INTS4: variants seen among roughly 807,000 people sequenced by gnomAD.
INTS4 encodes integrator complex subunit 4, also known as MSTP093.
Under a neutral mutation model 119.5 loss-of-function variants are expected in INTS4, and 70 were observed. The observed-to-expected ratio is 0.59, with a 90% CI of 0.48 to 0.71. The LOEUF (loss-of-function observed/expected upper bound fraction) is 0.71. Ranked by LOEUF, INTS4 falls within the 30% of genes least tolerant of loss-of-function variation. The pLI, the probability that INTS4 is intolerant of heterozygous loss-of-function variation, is 0.00. For synonymous variants in INTS4, 316 were observed against 419.6 expected (o/e 0.75, Z 3.02); for missense variants, 867 against 1,173.2 (o/e 0.74, Z 3.81).
chr11:77,900,388 C>T (rs956559827), intron 18 of INTS4, among the ~76,000 whole-genome samples: 20 of 152,250 alleles, frequency 1.3e-4, no homozygotes, highest in East Asian at 5.8e-4. Flanking sequence ...TGTGAGCCAC[C>T]ACACCCGGCC....
intron 1 of INTS4, among the ~76,000 whole-genome samples, chr11:77,994,271 T>C (rs1251993669): frequency 6.6e-6 from 1 of 152,094 alleles, no homozygotes; most frequent in Non-Finnish European, 1.5e-5. Flanking sequence ...TGTCCACATC[T>C]GGAAAACGAG....
chr11:77,922,531 T>C, intron 12 of INTS4, 60 bp from the exon 13 acceptor site: 1 of 697,232 alleles, frequency 1.4e-6, no homozygotes, highest in Non-Finnish European at 2.4e-6. Context: ...CTTTGAAAAG[T>C]ACTAGGAACT....
intron 4 of INTS4, among the ~76,000 whole-genome samples, chr11:77,970,012 A>G: frequency 6.6e-6 from 1 of 152,208 alleles, no homozygotes; most frequent in Non-Finnish European, 1.5e-5. Context: ...TAATGGGCAA[A>G]TAATATTCTA....
At chr11:77,957,921 G>A (rs935410134) in intron 7 of INTS4, among the ~76,000 whole-genome samples, 10 of 151,744 alleles carry the variant, frequency 6.6e-5, no homozygotes, top group African/African-American at 1.2e-4. Context: ...CGCCCACCTC[G>A]GCCTCCGAAA....
chr11:77,943,108 A>C (rs1353835361), intron 8 of INTS4, among the ~76,000 whole-genome samples: 1 of 152,130 alleles, frequency 6.6e-6, no homozygotes, highest in Non-Finnish European at 1.5e-5. Flanking sequence ...TTTTTCTACT[A>C]GAATAAAATT....
At chr11:77,959,844 A>ATAAGGCCT (rs1330515324) in intron 6 of INTS4, among the ~76,000 whole-genome samples, 1 of 152,206 alleles carries the variant, frequency 6.6e-6, no homozygotes, top group Non-Finnish European at 1.5e-5. Context: ...ATACAGCCTC[A>ATAAGGCCT]TAAGGCCTTT....
chr11:77,974,233 CTTTTCTTTT>C (rs1424967628), intron 4 of INTS4, among the ~76,000 whole-genome samples: 1 of 98,276 alleles, frequency 1.0e-5, no homozygotes, highest in Non-Finnish European at 2.0e-5. Flanking sequence ...TATAATTTTT[CTTTTCTTTT>C]TTTTTTTTTT....
chr11:77,887,355 T>A (rs1221979793), intron 21 of INTS4, among the ~76,000 whole-genome samples: 1 of 152,212 alleles, frequency 6.6e-6, no homozygotes, highest in Non-Finnish European at 1.5e-5. Context: ...AGAAAAGGCC[T>A]TTGACAAAAT....
intron 11 of INTS4, among the ~76,000 whole-genome samples, chr11:77,926,241 G>A (rs760481333): frequency 6.6e-6 from 1 of 151,634 alleles, no homozygotes; most frequent in South Asian, 2.1e-4. Flanking sequence ...AAGGCTCAAA[G>A]CAATGAAGCC....
intron 4 of INTS4, among the ~76,000 whole-genome samples, chr11:77,969,967 C>T (rs182864719): frequency 2.6e-5 from 4 of 152,270 alleles, no homozygotes; most frequent in East Asian, 1.9e-4. Flanking sequence ...CAAACTCCAA[C>T]GAAGCTGTAG....
chr11:77,979,140 G>C (rs199782086), intron 3 of INTS4, 38 bp from the exon 4 acceptor site: 1 of 1,193,996 alleles, frequency 8.4e-7, no homozygotes, highest in Non-Finnish European at 1.3e-6. Context: ...GTAGAATTTC[G>C]AAAGGGGTAA....
At chr11:77,984,045 T>C (rs1005321918) in intron 2 of INTS4, among the ~76,000 whole-genome samples, 3 of 152,172 alleles carry the variant, frequency 2.0e-5, no homozygotes, top group Admixed American at 6.5e-5. Context: ...GAATATTATT[T>C]AGCCTTAAAA....
intron 2 of INTS4, among the ~76,000 whole-genome samples, chr11:77,984,738 T>C (rs1451501984): frequency 6.6e-6 from 1 of 151,978 alleles, no homozygotes; most frequent in African/African-American, 2.4e-5. Flanking sequence ...TAGCCAGGCA[T>C]GGTGGCACAT....
At chr11:77,961,343 T>C (rs1421899825) in intron 4 of INTS4, among the ~76,000 whole-genome samples, 2 of 151,862 alleles carry the variant, frequency 1.3e-5, no homozygotes, top group African/African-American at 4.8e-5. Flanking sequence ...CCTTAGAAAA[T>C]AAAAGTCCTA....
At chr11:77,937,386 A>T (rs942815154) in intron 10 of INTS4, among the ~76,000 whole-genome samples, 13 of 152,280 alleles carry the variant, frequency 8.5e-5, no homozygotes, top group Middle Eastern at 3.4e-3. Context: ...GACACATTAT[A>T]TACAGAGGAA....
rs2136460579 is a variant in INTS4, at chr11:77,910,963, G to A, written c.1923-3153C>T. The A allele has an allele frequency of 2.3e-6, 3 of 1,278,386 alleles. No individual in the cohort carries two copies. The South Asian group carries it at 3.7e-5, about 16-fold the overall frequency. The allele number at this position is 1,278,386 out of a possible 1,614,324, so 79.2% of individuals were successfully genotyped here. A position where few individuals can be genotyped will look rare whatever the true frequency, so the allele number is the denominator to read the frequency against. On this transcript the variant is annotated intron_variant, in intron 15 of 22. Coordinates refer to ENST00000534064, the MANE Select transcript of INTS4 (RefSeq NM_033547.4). ...AATTCTGAATAGAAATGGAAACTGT[G>A]GGAAACCTTAAGGTCTGAGTCACTT...
At chr11:77,944,101 G>C (rs1051062661) in intron 8 of INTS4, among the ~76,000 whole-genome samples, 16 of 152,116 alleles carry the variant, frequency 1.1e-4, no homozygotes, top group Non-Finnish European at 2.2e-4. Flanking sequence ...CACAAATAGG[G>C]CAGTTATAAA....
At position 77,924,613 on chromosome 11, in the gene INTS4, A is replaced by C. The variant is rs189578163; in HGVS notation, c.1514+137T>G. 608 of 663,832 alleles carry C rather than the reference A, an allele frequency of 9.2e-4. 8 individuals are homozygous for C. In the African/African-American group the frequency reaches 0.01, roughly 11 times the overall value. 41.1% of individuals were successfully genotyped at this position (663,832 alleles called of 1,614,324 possible). On this transcript the variant is annotated intron_variant, in intron 12 of 22. Transcript: ENST00000534064. The stretch of plus-strand genomic sequence containing the variant: ...AATCAGATTCCTGAGAGTTCGGTTA[A>C]GTTGAATCAGGTTTCTAAAGTAAAG...
chr11:77,990,686 CAA>C (rs781257703), intron 2 of INTS4, among the ~76,000 whole-genome samples: 13 of 98,452 alleles, frequency 1.3e-4, no homozygotes, highest in Non-Finnish European at 8.0e-5. Flanking sequence ...ACTCTGTCTC[CAA>C]AAAAAAAAAA....
Sources: allele counts gnomAD v4.1 joint callset (sites outside exome capture counted in the v4.1 genomes callset), GRCh38; gene constraint gnomAD v4.1.1; transcripts MANE v1.5; gene names NCBI Gene and HGNC (gene_info 2026-07-23, HGNC 2026-07-21).